TXNL4A: variants seen among roughly 807,000 people sequenced by gnomAD.
The protein encoded by TXNL4A is thioredoxin-like protein 4A.
Under a neutral mutation model 14.6 loss-of-function variants are expected in TXNL4A, and 17 were observed. The observed-to-expected ratio is 1.16, with a 90% confidence interval of 0.80 to 1.74. The LOEUF (loss-of-function observed/expected upper bound fraction) is 1.74. Ranked by LOEUF, TXNL4A falls within the 40% of genes most tolerant of loss-of-function variation. TXNL4A has a pLI of 0.00. For missense variants in TXNL4A, 74 were observed against 195.2 expected (o/e 0.38, Z 3.70); for synonymous variants, 83 against 70.6 (o/e 1.18, Z -0.88).
At position 79,973,524 on chromosome 18, in the gene TXNL4A, C is replaced by CGTGCTTGTTT. The variant is rs1246828823; in HGVS notation, c.*151_*160dup. On this transcript the variant is annotated 3_prime_UTR_variant, in exon 3 of 3. Coordinates refer to ENST00000269601, the MANE Select transcript of TXNL4A (RefSeq NM_006701.5). ...ACAAGTAGGCCTGCTCCTCTCACCA[C>CGTGCTTGTTT]GTGCTTGTTTATTTCGGTGAGTTAA... is the stretch of plus-strand genomic sequence containing the variant. 19 of 819,656 alleles carry CGTGCTTGTTT rather than the reference C, an allele frequency of 2.3e-5. No individual in the cohort carries two copies. The Admixed American group carries it at 5.8e-4, about 25-fold the overall frequency. 50.8% of individuals were successfully genotyped at this position (819,656 alleles called of 1,614,324 possible). A position where few individuals can be genotyped will look rare whatever the true frequency, so the allele number is the denominator to read the frequency against.
rs146072766 is a variant in TXNL4A, at chr18:80,012,698, T to C, written c.-61+21153A>G. Among the ~76,000 whole-genome samples, 143 of 152,336 alleles carry C rather than the reference T, an allele frequency of 9.4e-4. 2 individuals carry two copies. Among genetic ancestry groups the C allele is most frequent in the South Asian group, 8.1e-3 (39 of 4,832 alleles). On this transcript the variant is annotated intron_variant, in intron 1 of 2. Coordinates refer to the TXNL4A transcript ENST00000585474. ...CTATACATGCTGCGTAGGAAGAATCTTTTTGGCAAATAGAGTTTTGAAAAA... is the reference window on the plus strand; with the variant it reads ...CTATACATGCTGCGTAGGAAGAATCCTTTTGGCAAATAGAGTTTTGAAAAA...
Position 80,011,774 on chromosome 18 carries a change from C to CT in TXNL4A, c.-61+22076dup, listed in dbSNP as rs543173222. Among the ~76,000 whole-genome samples the CT allele has an allele frequency of 2.5e-4, 37 of 149,242 alleles. No individual in the cohort carries two copies. The highest frequency in any genetic ancestry group is 9.8e-4 in the East Asian group (5 of 5,112). On this transcript the variant is annotated intron_variant, in intron 1 of 2. Coordinates refer to the TXNL4A transcript ENST00000585474. This position sits in a 1 kb window ranked among gnomAD's most constrained non-coding sequence, Gnocchi z 4.1. ...TTTTCCGTCCCTATAAGTTAAAGAT[C>CT]TTTTTTTTTTAAGAACTATATATAT... is the stretch of plus-strand genomic sequence containing the variant.
chr18:79,986,766 G>C, intron 1 of TXNL4A: 5 of 985,468 alleles, frequency 5.1e-6, no homozygotes, highest in Non-Finnish European at 6.0e-6. Context: ...ATGTAGAACA[G>C]TGAAAGATTC....
At chr18:79,987,311 T>C (rs2051565972) in intron 1 of TXNL4A, among the ~76,000 whole-genome samples, 1 of 152,252 alleles carries the variant, frequency 6.6e-6, no homozygotes, top group African/African-American at 2.4e-5. Flanking sequence ...TAGTCTTTCC[T>C]TTCCTGAATA....
At chr18:80,026,482 C>G (rs544081786) in intron 1 of TXNL4A, among the ~76,000 whole-genome samples, 5 of 152,014 alleles carry the variant, frequency 3.3e-5, no homozygotes, top group Admixed American at 3.3e-4. Context: ...AATATTCTAC[C>G]CTGACAAAAA....
chr18:80,032,205 G>C (rs979487375), intron 1 of TXNL4A, among the ~76,000 whole-genome samples: 6 of 151,586 alleles, frequency 4.0e-5, no homozygotes, highest in African/African-American at 1.5e-4. Flanking sequence ...AGCATTCCTC[G>C]TGACGGAGGA....
intron 1 of TXNL4A, among the ~76,000 whole-genome samples, chr18:79,979,919 G>A (rs1437650283): frequency 6.6e-6 from 1 of 152,172 alleles, no homozygotes; most frequent in Non-Finnish European, 1.5e-5. Flanking sequence ...ACTTACATGT[G>A]TTATGAGTTA....
intron 1 of TXNL4A, among the ~76,000 whole-genome samples, chr18:80,021,517 T>C (rs1464258986): frequency 2.0e-5 from 3 of 152,112 alleles, no homozygotes; most frequent in Admixed American, 2.0e-4. Flanking sequence ...TATTGGGAGT[T>C]AGGGTGCAAT....
chr18:80,000,922 G>A (rs2051694323), intron 1 of TXNL4A, among the ~76,000 whole-genome samples: 1 of 152,222 alleles, frequency 6.6e-6, no homozygotes. Context: ...CCAAAGTGCT[G>A]GAATTACAGG....
In TXNL4A at chr18:79,985,348, T is replaced by C. The variant is rs190701451; in HGVS notation, c.153+2892A>G. On this transcript the variant is annotated intron_variant, in intron 1 of 2. Coordinates refer to ENST00000269601, the MANE Select transcript of TXNL4A (RefSeq NM_006701.5). ...ACGGCTTGTCACAGCCTTGAACTCC[T>C]GGACTCATATCCTCCCACCTCGGCC... Among the ~76,000 whole-genome samples the C allele has an allele frequency of 3.6e-3, 550 of 152,266 alleles. 2 individuals carry two copies. Among genetic ancestry groups the C allele is most frequent in the Non-Finnish European group, 5.2e-3 (357 of 68,016 alleles).
At chr18:79,986,388 AT>A (rs1374411673) in intron 1 of TXNL4A, among the ~76,000 whole-genome samples, 3 of 152,134 alleles carry the variant, frequency 2.0e-5, no homozygotes, top group African/African-American at 7.2e-5. Flanking sequence ...AAGTTTATTA[AT>A]AAAGCTATCC....
At chr18:80,013,970 G>C (rs1474713699) in intron 1 of TXNL4A, among the ~76,000 whole-genome samples, 2 of 152,146 alleles carry the variant, frequency 1.3e-5, no homozygotes, top group Non-Finnish European at 2.9e-5. Flanking sequence ...GACAAAATGA[G>C]GAAGAAACAA....
At chr18:80,004,424 AT>A (rs2051716504) in intron 1 of TXNL4A, among the ~76,000 whole-genome samples, 2 of 152,184 alleles carry the variant, frequency 1.3e-5, no homozygotes, top group African/African-American at 4.8e-5. Context: ...AGGGGGCTGC[AT>A]CTCTCAAGCC....
At chr18:79,978,314 C>T (rs1470359229) in intron 1 of TXNL4A, among the ~76,000 whole-genome samples, 1 of 152,138 alleles carries the variant, frequency 6.6e-6, no homozygotes, top group African/African-American at 2.4e-5. Flanking sequence ...AGAATCCTGC[C>T]ATCATTTCCC....
intron 1 of TXNL4A, among the ~76,000 whole-genome samples, chr18:80,016,331 T>C (rs2051809368): frequency 6.6e-6 from 1 of 152,320 alleles, no homozygotes; most frequent in African/African-American, 2.4e-5. Context: ...ACTCTGATGG[T>C]AGTTTCTTTT....
chr18:80,001,123 C>A (rs1183134899), intron 1 of TXNL4A, among the ~76,000 whole-genome samples: 2 of 152,196 alleles, frequency 1.3e-5, no homozygotes, highest in African/African-American at 4.8e-5. Flanking sequence ...TGTGTCCCAG[C>A]CACTCTAGCA....
chr18:80,005,136 G>A (rs1329346653), intron 1 of TXNL4A, among the ~76,000 whole-genome samples: 2 of 152,348 alleles, frequency 1.3e-5, no homozygotes, highest in African/African-American at 2.4e-5. Flanking sequence ...CGAGAGTCTC[G>A]TGAGATTGTG....
chr18:79,979,361 T>C (rs1489589414), intron 1 of TXNL4A: 1 of 152,246 alleles, frequency 6.6e-6, no homozygotes, highest in Non-Finnish European at 1.5e-5. Flanking sequence ...TATTTGTCCC[T>C]GCCCAAATCT....
At chr18:79,978,676 T>C (rs185747916) in intron 1 of TXNL4A, among the ~76,000 whole-genome samples, 192 of 152,214 alleles carry the variant, frequency 1.3e-3, no homozygotes, top group African/African-American at 4.5e-3. Flanking sequence ...GTATTTTTTG[T>C]AGAGACAGGG....
Sources: gnomAD v4.1 joint callset for allele counts (sites outside exome capture counted in the v4.1 genomes callset) on GRCh38, gnomAD v4.1.1 for gene constraint, Gnocchi (gnomAD v3.1) non-coding constraint, MANE v1.5 for transcripts, NCBI Gene and HGNC (gene_info 2026-07-23, HGNC 2026-07-21) for gene names.